FZD4: variants seen among roughly 807,000 people sequenced by gnomAD.
FZD4 encodes the protein frizzled class receptor 4, also known as frizzled-4.
A neutral mutation model predicts 37.3 loss-of-function variants in FZD4; 16 were observed. The observed-to-expected ratio is 0.43, with a 90% confidence interval of 0.29 to 0.65. FZD4 has a LOEUF of 0.65. FZD4 is among the 30% of genes least tolerant of loss of function. The pLI, the probability that FZD4 is intolerant of heterozygous loss-of-function variation, is 0.16. For synonymous variants in FZD4, 246 were observed against 254.8 expected (o/e 0.97, Z 0.33); for missense variants, 599 against 674.3 (o/e 0.89, Z 1.24).
rs56400333 is a variant in FZD4 at position 86,953,853 on chromosome 11, G to A, written c.285+948C>T. Reference sequence around the variant, plus strand: ...GCTGGTCTCGAACTCCTAACCTCGTGAGCCACCTGCCTCGGCCTCCCAAAG... The same window carrying A: ...GCTGGTCTCGAACTCCTAACCTCGTAAGCCACCTGCCTCGGCCTCCCAAAG... On this transcript the variant is annotated intron_variant, in intron 1 of 1. Transcript: ENST00000531380. Among the ~76,000 whole-genome samples, 967 of 152,246 alleles carry A rather than the reference G, an allele frequency of 6.4e-3. 7 individuals are homozygous for A. Among genetic ancestry groups the A allele is most frequent in the African/African-American group, 0.022 (932 of 41,532 alleles).
rs1949295553 is a variant in FZD4 at position 86,951,887 on chromosome 11, G to T, written c.869C>A (p.Pro290His). The T allele has an allele frequency of 6.2e-7, 1 of 1,613,682 alleles. No individual in the cohort carries two copies. The highest frequency in any genetic ancestry group is 2.2e-5 in the East Asian group (1 of 44,888). Residue 290 changes from proline (P) to histidine (H), a missense_variant, in exon 2 of 2, where the codon CCT becomes CAT. Transcript: ENST00000531380. ...ISCDFEEAAE[P>H]VLIQEGLKNT... Reference sequence around the variant, plus strand: ...CTTAAGTCCTTCTTGGATGAGAACAGGTTCTGCTGCCTCTTCAAAATCACA... The same window carrying T: ...CTTAAGTCCTTCTTGGATGAGAACATGTTCTGCTGCCTCTTCAAAATCACA...
Position 86,954,868 on chromosome 11 carries a change from G to C in FZD4, c.218C>G (p.Thr73Arg). The change falls in exon 1 of 2, where the codon ACG becomes AGG. Residue 73 changes from threonine (T) to arginine (R), a missense_variant. Thr to Arg is a moderately conservative substitution (Grantham distance 71, BLOSUM62 -1). Coordinates refer to ENST00000531380, the MANE Select transcript of FZD4 (RefSeq NM_012193.4). ...MPNLVGHELQTDAELQLTTFT... is the reference protein window; with the variant it reads ...MPNLVGHELQRDAELQLTTFT... ...AGTTGTCAGCTGCAGCTCGGCGTCCGTCTGCAGCTCGTGCCCAACCAGGTT... is the reference window on the plus strand; with the variant it reads ...AGTTGTCAGCTGCAGCTCGGCGTCCCTCTGCAGCTCGTGCCCAACCAGGTT... The C allele has an allele frequency of 6.2e-7, 1 of 1,613,498 alleles. No individual in the cohort carries two copies. The highest frequency in any genetic ancestry group is 8.5e-7 in the Non-Finnish European group (1 of 1,179,860).
At chr11:86,952,536 C>T in intron 1 of FZD4, 66 bp from the exon 2 acceptor site, 1 of 1,568,890 alleles carries the variant, frequency 6.4e-7, no homozygotes, top group South Asian at 1.1e-5. Flanking sequence ...CCAAATGCTC[C>T]CACAAAGCTG....
At chr11:86,953,737 C>T in intron 1 of FZD4, among the ~76,000 whole-genome samples, 1 of 152,176 alleles carries the variant, frequency 6.6e-6, no homozygotes, top group East Asian at 1.9e-4. Context: ...CTGCCTCAGC[C>T]TCCTGAGTAG....
intron 1 of FZD4, chr11:86,954,085 G>T (rs1488100900): frequency 1.3e-5 from 3 of 223,738 alleles, no homozygotes; most frequent in Non-Finnish European, 2.2e-5. Flanking sequence ...TTTTTATTTT[G>T]CAGGATTATA....
At position 86,950,844 on chromosome 11, in the gene FZD4, T is replaced by C. The variant is rs1335771034; in HGVS notation, c.*298A>G. The C allele has an allele frequency of 6.5e-6, 3 of 460,822 alleles. No individual in the cohort carries two copies. Among genetic ancestry groups the C allele is most frequent in the South Asian group, 2.3e-5 (1 of 44,372 alleles). The allele number at this position is 460,822 out of a possible 1,614,324, so 28.5% of individuals were successfully genotyped here. A position where few individuals can be genotyped will look rare whatever the true frequency, so the allele number is the denominator to read the frequency against. Reference sequence around the variant, plus strand: ...GTATCGCCCTGGACTTCCTGGAATCTAGGCAGGACCTCCACGCTCCAAGCT... The same window carrying C: ...GTATCGCCCTGGACTTCCTGGAATCCAGGCAGGACCTCCACGCTCCAAGCT... On this transcript the variant is annotated 3_prime_UTR_variant, in exon 2 of 2. Coordinates refer to ENST00000531380, the MANE Select transcript of FZD4 (RefSeq NM_012193.4).
chr11:86,951,430 T>A lies in FZD4; in HGVS notation c.1326A>T (p.Val442=), dbSNP rs750457541. The A allele has an allele frequency of 6.2e-7, 1 of 1,612,866 alleles. No individual in the cohort carries two copies. The highest frequency in any genetic ancestry group is 1.3e-5 in the African/African-American group (1 of 74,902). Residue 442 remains valine (V), a synonymous_variant, in exon 2 of 2, where the codon GTA becomes GTT. Coordinates refer to ENST00000531380, the MANE Select transcript of FZD4 (RefSeq NM_012193.4). Reference sequence around the variant, plus strand: ...CACACGTTGCAGGAACTGTGTACAGTACTGAGAACACCCCAATCTTGACCA... The same window carrying A: ...CACACGTTGCAGGAACTGTGTACAGAACTGAGAACACCCCAATCTTGACCA... ...RLMVKIGVFS[V]LYTVPATCVI...
Position 86,948,823 on chromosome 11 carries a change from T to A in FZD4, c.*2319A>T, listed in dbSNP as rs566827466. ...TGACACATTATGAAGAAAACTGCATTACAAACCTCTATACTCTAACAGCAA... is the reference window on the plus strand; with the variant it reads ...TGACACATTATGAAGAAAACTGCATAACAAACCTCTATACTCTAACAGCAA... On this transcript the variant is annotated 3_prime_UTR_variant, in exon 2 of 2. Transcript: ENST00000531380. 4 of 152,556 alleles carry A rather than the reference T, an allele frequency of 2.6e-5. No individual in the cohort carries two copies. Among genetic ancestry groups the A allele is most frequent in the Admixed American group, 1.3e-4 (2 of 15,278 alleles). 9.5% of individuals were successfully genotyped at this position (152,556 alleles called of 1,614,324 possible). A position where few individuals can be genotyped will look rare whatever the true frequency, so the allele number is the denominator to read the frequency against.
Position 86,951,933 on chromosome 11 carries a change from C to G in FZD4, c.823G>C (p.Val275Leu), listed in dbSNP as rs1296102273. The change falls in exon 2 of 2, where the codon GTA becomes CTA. Residue 275 changes from valine to leucine, a missense_variant. By Grantham distance (32) the Val-to-Leu change is conservative (BLOSUM62 1). This residue lies in a region of FZD4 where 357 missense variants were observed against 396.1 expected (regional missense o/e 0.90). Transcript: ENST00000531380. ...TCACAGGATATCCTTTCCCGGCCTA[C>G]AGTCAGCCTGACAATATAAGCAATG... ...YSIAYIVRLT[V>L]GRERISCDFE... 2 of 1,613,780 alleles carry G rather than the reference C, an allele frequency of 1.2e-6. No homozygotes were observed. The highest frequency in any genetic ancestry group is 1.7e-6 in the Non-Finnish European group (2 of 1,179,872).
chr11:86,953,635 A>G (rs540068530), intron 1 of FZD4, among the ~76,000 whole-genome samples: 4 of 151,094 alleles, frequency 2.6e-5, no homozygotes, highest in Admixed American at 2.6e-4. Flanking sequence ...TTTTTTTTTG[A>G]TACGGAGTTT....
Position 86,946,583 on chromosome 11 carries a change from T to C in FZD4, c.*4559A>G, listed in dbSNP as rs1949244739. 6.6e-6 allele frequency: 1 copy of C among 152,320 alleles called. No individual in the cohort carries two copies. The highest frequency in any genetic ancestry group is 1.5e-5 in the Non-Finnish European group (1 of 68,056). The allele number at this position is 152,320 out of a possible 1,614,324, so 9.4% of individuals were successfully genotyped here. ...GTCAAGTGTGTAATCACCGCACAAG[T>C]GCATGGCAAGAGACAGCAACAGAAA... On this transcript the variant is annotated 3_prime_UTR_variant, in exon 2 of 2. Coordinates refer to ENST00000531380, the MANE Select transcript of FZD4 (RefSeq NM_012193.4).
chr11:86,952,335 C>G lies in FZD4; in HGVS notation c.421G>C (p.Glu141Gln), dbSNP rs371704478. The change falls in exon 2 of 2, where the codon GAG becomes CAG. Residue 141 changes from glutamate (E) to glutamine (Q), a missense_variant. This residue lies in a region of FZD4 where 357 missense variants were observed against 396.1 expected (regional missense o/e 0.90). Transcript: ENST00000531380. The part of the protein sequence containing the change: ...VLKEFGFAWP[E>Q]SLNCSKFPPQ... ...GGGAATTTGCTGCAGTTCAGACTCTCTGGCCAGGCAAATCCAAATTCCTTC... is the reference window on the plus strand; with the variant it reads ...GGGAATTTGCTGCAGTTCAGACTCTGTGGCCAGGCAAATCCAAATTCCTTC... 13 of 1,614,112 alleles carry G rather than the reference C, an allele frequency of 8.1e-6. No homozygotes were observed. The African/African-American group carries it at 1.3e-4, about 17-fold the overall frequency.
chr11:86,955,227 C>T lies in FZD4; in HGVS notation c.-142G>A, dbSNP rs922542962. 29 of 611,998 alleles carry T rather than the reference C, an allele frequency of 4.7e-5. No individual in the cohort carries two copies. In the South Asian group the frequency reaches 8.1e-4, roughly 17 times the overall value. 37.9% of individuals were successfully genotyped at this position (611,998 alleles called of 1,614,324 possible). A position where few individuals can be genotyped will look rare whatever the true frequency, so the allele number is the denominator to read the frequency against. ...GCGGCGACGAGGGGGCAGCGGCCGG[C>T]TCTCCAGCAGCTGCGCGCGACTGTG... On this transcript the variant is annotated 5_prime_UTR_variant, in exon 1 of 2. Coordinates refer to ENST00000531380, the MANE Select transcript of FZD4 (RefSeq NM_012193.4).
In FZD4 at chr11:86,954,786, G is replaced by T; in HGVS notation, c.285+15C>A. ...CCCAAGGGGTCCCGCCAGGGGTGGG[G>T]GTGGGGGCGCCCACCTGCAGCTGGC... On this transcript the variant is annotated intron_variant, in intron 1 of 1. Coordinates refer to ENST00000531380, the MANE Select transcript of FZD4 (RefSeq NM_012193.4). The T allele has an allele frequency of 6.3e-7, 1 of 1,592,584 alleles. No individual in the cohort carries two copies. The highest frequency in any genetic ancestry group is 1.1e-5 in the South Asian group (1 of 88,102).
At position 86,955,215 on chromosome 11, in the gene FZD4, G is replaced by C; in HGVS notation, c.-130C>G. 1 of 656,634 alleles carries C rather than the reference G, an allele frequency of 1.5e-6. No homozygotes were observed. Among genetic ancestry groups the C allele is most frequent in the Non-Finnish European group, 2.3e-6 (1 of 426,814 alleles). The allele number at this position is 656,634 out of a possible 1,614,324, so 40.7% of individuals were successfully genotyped here. A position where few individuals can be genotyped will look rare whatever the true frequency, so the allele number is the denominator to read the frequency against. On this transcript the variant is annotated 5_prime_UTR_variant, in exon 1 of 2. Transcript: ENST00000531380. Reference sequence around the variant, plus strand: ...CGGGAGTGTGATGCGGCGACGAGGGGGCAGCGGCCGGCTCTCCAGCAGCTG... The same window carrying C: ...CGGGAGTGTGATGCGGCGACGAGGGCGCAGCGGCCGGCTCTCCAGCAGCTG...
Position 86,945,715 on chromosome 11 carries a change from T to G in FZD4, c.*5427A>C, listed in dbSNP as rs1314656564. 4 of 152,654 alleles carry G rather than the reference T, an allele frequency of 2.6e-5. No individual in the cohort carries two copies. The highest frequency in any genetic ancestry group is 4.4e-5 in the Non-Finnish European group (3 of 68,040). 9.5% of individuals were successfully genotyped at this position (152,654 alleles called of 1,614,324 possible). A position where few individuals can be genotyped will look rare whatever the true frequency, so the allele number is the denominator to read the frequency against. On this transcript the variant is annotated 3_prime_UTR_variant, in exon 2 of 2. Transcript: ENST00000531380. Reference sequence around the variant, plus strand: ...ACTTTATTTTCCTTTAATACAAAATTAAATAGCAAGGGGTTTTCTTTGTAC... The same window carrying G: ...ACTTTATTTTCCTTTAATACAAAATGAAATAGCAAGGGGTTTTCTTTGTAC...
chr11:86,950,864 C>T lies in FZD4; in HGVS notation c.*278G>A, dbSNP rs1449175391. 2.0e-6 allele frequency: 1 copy of T among 502,458 alleles called. No homozygotes were observed. Among genetic ancestry groups the T allele is most frequent in the Non-Finnish European group, 3.6e-6 (1 of 276,994 alleles). 31.1% of individuals were successfully genotyped at this position (502,458 alleles called of 1,614,324 possible). ...GAATCTAGGCAGGACCTCCACGCTCCAAGCTGCAACCTGCTAAAGTGATCA... is the reference window on the plus strand; with the variant it reads ...GAATCTAGGCAGGACCTCCACGCTCTAAGCTGCAACCTGCTAAAGTGATCA... On this transcript the variant is annotated 3_prime_UTR_variant, in exon 2 of 2. Coordinates refer to ENST00000531380, the MANE Select transcript of FZD4 (RefSeq NM_012193.4).
intron 1 of FZD4, chr11:86,952,869 C>T (rs2135042671): frequency 6.3e-6 from 1 of 157,916 alleles, no homozygotes; most frequent in East Asian, 1.8e-4. Context: ...TTATTTTTAT[C>T]CCCGTTTCTT....
At position 86,950,847 on chromosome 11, in the gene FZD4, G is replaced by A. The variant is rs1377290461; in HGVS notation, c.*295C>T. 8 of 468,138 alleles carry A rather than the reference G, an allele frequency of 1.7e-5. No individual in the cohort carries two copies. Among genetic ancestry groups the A allele is most frequent in the Admixed American group, 3.3e-5 (1 of 29,860 alleles). 29.0% of individuals were successfully genotyped at this position (468,138 alleles called of 1,614,324 possible). A position where few individuals can be genotyped will look rare whatever the true frequency, so the allele number is the denominator to read the frequency against. On this transcript the variant is annotated 3_prime_UTR_variant, in exon 2 of 2. Coordinates refer to ENST00000531380, the MANE Select transcript of FZD4 (RefSeq NM_012193.4). ...TCGCCCTGGACTTCCTGGAATCTAG[G>A]CAGGACCTCCACGCTCCAAGCTGCA...
Sources: gnomAD v4.1 joint callset for allele counts (sites outside exome capture counted in the v4.1 genomes callset) on GRCh38, gnomAD v4.1.1 for gene constraint, gnomAD v4.1.1 regional missense constraint, MANE v1.5 for transcripts, NCBI Gene and HGNC (gene_info 2026-07-23, HGNC 2026-07-21) for gene names.